Variants in PTPN3 observed in about 807,000 individuals in gnomAD.
The protein encoded by PTPN3 is tyrosine-protein phosphatase non-receptor type 3.
In PTPN3, 96 loss-of-function variants were observed where a neutral mutation model predicts 132.7. That is an observed-to-expected ratio of 0.72 (90% CI 0.61 to 0.86). The LOEUF is 0.86. Among genes scored for constraint, PTPN3 ranks in the 40% least tolerant of loss-of-function variants. The pLI is 0.00. For synonymous variants in PTPN3, 398 were observed against 429.0 expected (o/e 0.93, Z 0.89); for missense variants, 1,125 against 1,159.6 (o/e 0.97, Z 0.43).
chr9:109,456,713 A>G (rs114770390), intron 4 of PTPN3, among the ~76,000 whole-genome samples: 9 of 152,324 alleles, frequency 5.9e-5, no homozygotes, highest in African/African-American at 2.2e-4. Context: ...CTCCTGAGAG[A>G]TAAGCGGTAG....
intron 1 of PTPN3, among the ~76,000 whole-genome samples, chr9:109,479,087 G>A (rs533871728): frequency 2.0e-5 from 3 of 151,024 alleles, no homozygotes; most frequent in East Asian, 3.9e-4. Flanking sequence ...ACAATTCAGT[G>A]GCTTTAATTA....
At chr9:109,504,354 A>G in the PTPN3 span, among the ~76,000 whole-genome samples, 1 of 152,200 alleles carries the variant, frequency 6.6e-6, no homozygotes, top group African/African-American at 2.4e-5. Context: ...CAGGGAGCCA[A>G]GCCAACCTCA....
chr9:109,463,418 C>T lies in PTPN3; in HGVS notation c.17G>A (p.Arg6His), dbSNP rs777253098. ...ATTATTAATTCTTCCACCCAACGCA[C>T]GTAACCGGGAGGTCATAACTATCGC... MTSRL[R>H]ALGGRINNIR... is the part of the protein sequence containing the mutation. The change falls in exon 2 of 26, where the codon CGT becomes CAT. Residue 6 changes from arginine (R) to histidine (H), a missense_variant. Arg to His is a conservative substitution (Grantham distance 29, BLOSUM62 0). Transcript: ENST00000374541. 2.7e-4 allele frequency: 427 copies of T among 1,609,728 alleles called. No individual in the cohort carries two copies. The highest frequency in any genetic ancestry group is 3.4e-4 in the Non-Finnish European group (403 of 1,178,968).
chr9:109,424,812 G>A (rs2131860131), intron 12 of PTPN3, among the ~76,000 whole-genome samples: 1 of 152,334 alleles, frequency 6.6e-6, no homozygotes, highest in African/African-American at 2.4e-5. Flanking sequence ...CAGAATGGGT[G>A]TTGCTTTCAG....
At chr9:109,392,380 ATT>A (rs879679294) in intron 19 of PTPN3, among the ~76,000 whole-genome samples, 1 of 144,676 alleles carries the variant, frequency 6.9e-6, no homozygotes, top group African/African-American at 2.5e-5. Flanking sequence ...GTTGGAAGTG[ATT>A]TTTTTTTTTT....
chr9:109,445,236 T>C lies in PTPN3; in HGVS notation c.466+4A>G, dbSNP rs1432848069. 2 of 1,612,560 alleles carry C rather than the reference T, an allele frequency of 1.2e-6. No individual in the cohort carries two copies. Among genetic ancestry groups the C allele is most frequent in the Non-Finnish European group, 1.7e-6 (2 of 1,178,672 alleles). Reference sequence around the variant, plus strand: ...ATCCGTGAAATGCTCCCTTTGTGACTTACATTGTACGGCATAGGACGCTAG... The same window carrying C: ...ATCCGTGAAATGCTCCCTTTGTGACCTACATTGTACGGCATAGGACGCTAG... On this transcript the variant is annotated splice_donor_region_variant and intron_variant, in intron 7 of 25. Coordinates refer to ENST00000374541, the MANE Select transcript of PTPN3 (RefSeq NM_002829.4).
Position 109,457,289 on chromosome 9 carries a change from T to TC in PTPN3, c.246+2_246+3insG. Reference sequence around the variant, plus strand: ...CAGCACATTTTTTAAAAATGGCACTTACAGGAGAGTCCACGGAGTCGTCAT... The same window carrying TC: ...CAGCACATTTTTTAAAAATGGCACTTCACAGGAGAGTCCACGGAGTCGTCAT... On this transcript the variant is annotated splice_region_variant and intron_variant, in intron 3 of 25. Transcript: ENST00000374541. 1 of 1,613,452 alleles carries TC rather than the reference T, an allele frequency of 6.2e-7. No homozygotes were observed. Among genetic ancestry groups the TC allele is most frequent in the Non-Finnish European group, 8.5e-7 (1 of 1,179,422 alleles).
chr9:109,464,738 T>A (rs764663584), intron 1 of PTPN3, among the ~76,000 whole-genome samples: 1 of 152,216 alleles, frequency 6.6e-6, no homozygotes, highest in Non-Finnish European at 1.5e-5. Flanking sequence ...TATACTACTA[T>A]ACAGCAAAAG....
chr9:109,446,370 G>A (rs1027817200), intron 6 of PTPN3, among the ~76,000 whole-genome samples: 4 of 152,182 alleles, frequency 2.6e-5, no homozygotes, highest in African/African-American at 7.2e-5. Flanking sequence ...ACTGCACTGT[G>A]TGCTGGTTCT....
Position 109,438,139 on chromosome 9 carries a change from C to CTTT in PTPN3, c.559_561dup (p.Lys187dup). 1 of 1,613,970 alleles carries CTTT rather than the reference C, an allele frequency of 6.2e-7. No homozygotes were observed. The highest frequency in any genetic ancestry group is 8.5e-7 in the Non-Finnish European group (1 of 1,179,922). ...CTGTGCTGCTCATGCAGAGATTCGACTTTTGTTAAAAAGTCCTCATTTTGA... is the reference window on the plus strand; with the variant it reads ...CTGTGCTGCTCATGCAGAGATTCGACTTTTTTTGTTAAAAAGTCCTCATTTTGA... On this transcript the variant is annotated inframe_insertion, in exon 8 of 26. Coordinates refer to ENST00000374541, the MANE Select transcript of PTPN3 (RefSeq NM_002829.4).
intron 1 of PTPN3, among the ~76,000 whole-genome samples, chr9:109,480,982 CACTT>C (rs1439652088): frequency 6.6e-6 from 1 of 152,228 alleles, no homozygotes; most frequent in African/African-American, 2.4e-5. Context: ...TCCCTCCACT[CACTT>C]CTTATGACTG....
At chr9:109,414,145 C>G (rs1250213750) in intron 14 of PTPN3, among the ~76,000 whole-genome samples, 1 of 152,160 alleles carries the variant, frequency 6.6e-6, no homozygotes, top group Non-Finnish European at 1.5e-5. Flanking sequence ...AGAGGATCAC[C>G]CGAGGTGATT....
At chr9:109,459,598 C>CAG (rs1845737594) in intron 2 of PTPN3, among the ~76,000 whole-genome samples, 2 of 152,272 alleles carry the variant, frequency 1.3e-5, no homozygotes, top group African/African-American at 4.8e-5. Flanking sequence ...ACTGCCCCTG[C>CAG]TGGAGTGCAG....
chr9:109,430,992 C>T (rs748574878), intron 10 of PTPN3, among the ~76,000 whole-genome samples: 1 of 152,210 alleles, frequency 6.6e-6, no homozygotes, highest in African/African-American at 2.4e-5. Flanking sequence ...TGCTTAGGGC[C>T]CTTCTTATGT....
chr9:109,428,845 C>T, intron 10 of PTPN3, 161 bp from the exon 11 acceptor site: 1 of 985,432 alleles, frequency 1.0e-6, no homozygotes, highest in Non-Finnish European at 1.2e-6. Flanking sequence ...AGCCCCACTG[C>T]CGCAGGCTAA....
At chr9:109,437,816 G>C (rs1844167970) in intron 8 of PTPN3, among the ~76,000 whole-genome samples, 1 of 152,172 alleles carries the variant, frequency 6.6e-6, no homozygotes, top group Non-Finnish European at 1.5e-5. Flanking sequence ...ACAGTCCATT[G>C]GTGGGGCAAT....
intron 14 of PTPN3, among the ~76,000 whole-genome samples, chr9:109,413,235 T>C (rs1423443466): frequency 1.3e-5 from 2 of 152,176 alleles, no homozygotes; most frequent in Non-Finnish European, 2.9e-5. Flanking sequence ...ATTACAGGCA[T>C]GAGCCACCGT....
intron 1 of PTPN3, among the ~76,000 whole-genome samples, chr9:109,486,148 G>T (rs1461588990): frequency 6.6e-6 from 1 of 152,200 alleles, no homozygotes; most frequent in Admixed American, 6.5e-5. Context: ...CATCACCTGG[G>T]ACGGTGCTGG....
intron 9 of PTPN3, among the ~76,000 whole-genome samples, chr9:109,435,626 T>C (rs181666425): frequency 1.8e-4 from 28 of 152,314 alleles, no homozygotes; most frequent in Admixed American, 1.4e-3. Flanking sequence ...CCCCCTCTGA[T>C]ACTGTGGGGG....
Sources: gnomAD v4.1 joint callset for allele counts (sites outside exome capture counted in the v4.1 genomes callset) on GRCh38, gnomAD v4.1.1 for gene constraint, MANE v1.5 for transcripts, NCBI Gene and HGNC (gene_info 2026-07-23, HGNC 2026-07-21) for gene names.